The following NYAP2 variants were observed in gnomAD, a reference collection of about 807,000 sequenced individuals.
NYAP2 encodes the protein neuronal tyrosine-phosphorylated phosphoinositide-3-kinase adapter 2.
A neutral mutation model predicts 50.4 loss-of-function variants in NYAP2; 23 were observed. The ratio of observed to expected loss-of-function variants is 0.46; its 90% confidence interval spans 0.33 to 0.65. NYAP2 has a LOEUF of 0.65. Among genes scored for constraint, NYAP2 ranks in the 30% least tolerant of loss-of-function variants. The pLI is 0.02. For missense variants in NYAP2, 885 were observed against 861.0 expected (o/e 1.03, Z -0.35); for synonymous variants, 394 against 365.2 (o/e 1.08, Z -0.90).
At chr2:225,475,663 CA>C (rs1263683857) in intron 3 of NYAP2, among the ~76,000 whole-genome samples, 1 of 152,098 alleles carries the variant, frequency 6.6e-6, no homozygotes, top group African/African-American at 2.4e-5. Flanking sequence ...TAAATCTTTT[CA>C]GAAATCAGAT....
intron 5 of NYAP2, among the ~76,000 whole-genome samples, chr2:225,586,079 TGGA>T (rs1467518441): frequency 3.9e-5 from 6 of 152,342 alleles, no homozygotes; most frequent in African/African-American, 1.4e-4. Context: ...GTTGGTTTAG[TGGA>T]GAAGTCAATT....
chr2:225,583,905 G>T (rs1456936385), intron 5 of NYAP2, among the ~76,000 whole-genome samples: 1 of 152,152 alleles, frequency 6.6e-6, no homozygotes, highest in Non-Finnish European at 1.5e-5. Context: ...AGCCGGGTGT[G>T]GTGGCGGGCA....
chr2:225,641,810 C>T (rs1248919619), intron 6 of NYAP2, among the ~76,000 whole-genome samples: 1 of 151,412 alleles, frequency 6.6e-6, no homozygotes, highest in Admixed American at 6.6e-5. Context: ...CAGAGTGAGA[C>T]TCCATCTCAA....
intron 5 of NYAP2, among the ~76,000 whole-genome samples, chr2:225,613,965 C>A (rs1692942480): frequency 6.6e-6 from 1 of 152,078 alleles, no homozygotes; most frequent in Admixed American, 6.5e-5. Context: ...ATTGTTGAAG[C>A]CTCATGAACT....
chr2:225,443,174 C>G (rs1209306038), intron 3 of NYAP2, among the ~76,000 whole-genome samples: 2 of 152,160 alleles, frequency 1.3e-5, no homozygotes, highest in African/African-American at 2.4e-5. Context: ...CACAGCCAAA[C>G]CATATCACAC....
the NYAP2 span, among the ~76,000 whole-genome samples, chr2:225,697,219 T>TA: frequency 6.6e-6 from 1 of 151,980 alleles, no homozygotes; most frequent in African/African-American, 2.4e-5. Context: ...AAGCAGTGGT[T>TA]ACTTGTCCAG....
At chr2:225,514,499 G>T (rs1202753412) in intron 4 of NYAP2, among the ~76,000 whole-genome samples, 3 of 152,110 alleles carry the variant, frequency 2.0e-5, no homozygotes, top group African/African-American at 7.2e-5. Flanking sequence ...CTCTGTTGGG[G>T]CCCACTTCCT....
At chr2:225,509,188 C>T (rs755865670) in intron 3 of NYAP2, among the ~76,000 whole-genome samples, 8 of 152,144 alleles carry the variant, frequency 5.3e-5, no homozygotes, top group South Asian at 4.1e-4. Context: ...ATCTCTCATT[C>T]GTGAGAAGTT....
intron 6 of NYAP2, among the ~76,000 whole-genome samples, chr2:225,648,109 T>A (rs2106270498): frequency 6.6e-6 from 1 of 152,294 alleles, no homozygotes; most frequent in African/African-American, 2.4e-5. Context: ...CAAGTGATTC[T>A]CTTGCCTCGG....
chr2:225,602,261 A>G (rs1275446430), intron 5 of NYAP2, among the ~76,000 whole-genome samples: 4 of 152,222 alleles, frequency 2.6e-5, no homozygotes, highest in African/African-American at 4.8e-5. Flanking sequence ...GATTTACCCT[A>G]TGTAAATGAA....
At chr2:225,439,554 A>G (rs1221716189) in intron 3 of NYAP2, among the ~76,000 whole-genome samples, 1 of 152,174 alleles carries the variant, frequency 6.6e-6, no homozygotes, top group Non-Finnish European at 1.5e-5. Context: ...AAATTAGGAC[A>G]CCAAGGCAAT....
chr2:225,670,059 C>A, the NYAP2 span, among the ~76,000 whole-genome samples: 1 of 152,198 alleles, frequency 6.6e-6, no homozygotes, highest in African/African-American at 2.4e-5. Flanking sequence ...CTGCTCCAAA[C>A]AGAAGTGGTA....
intron 4 of NYAP2, among the ~76,000 whole-genome samples, chr2:225,553,655 C>G (rs1241334755): frequency 6.6e-6 from 1 of 152,194 alleles, no homozygotes; most frequent in Non-Finnish European, 1.5e-5. Context: ...AACATAACCA[C>G]TGTTTTAAAG....
intron 3 of NYAP2, among the ~76,000 whole-genome samples, chr2:225,443,675 T>G (rs1689507587): frequency 6.6e-6 from 1 of 152,208 alleles, no homozygotes; most frequent in African/African-American, 2.4e-5. Context: ...AGCAAGAAAC[T>G]ACCTGTAAAC....
intron 5 of NYAP2, among the ~76,000 whole-genome samples, 163 bp from the exon 6 acceptor site, chr2:225,626,754 C>T (rs2106257748): frequency 6.6e-6 from 1 of 152,268 alleles, no homozygotes; most frequent in Non-Finnish European, 1.5e-5. Context: ...AAAAAAGGCC[C>T]CCTGGAGTCT....
chr2:225,608,141 C>T (rs973086047), intron 5 of NYAP2, among the ~76,000 whole-genome samples: 1 of 152,062 alleles, frequency 6.6e-6, no homozygotes, highest in African/African-American at 2.4e-5. Flanking sequence ...TGGTAGATAG[C>T]CACAAATTCT....
intron 3 of NYAP2, among the ~76,000 whole-genome samples, chr2:225,483,271 T>C (rs1404349573): frequency 2.6e-5 from 4 of 152,178 alleles, no homozygotes; most frequent in Admixed American, 6.5e-5. Context: ...AGGTTCATGA[T>C]ATAGAATGTG....
chr2:225,572,179 T>C (rs1692084928), intron 4 of NYAP2, among the ~76,000 whole-genome samples: 1 of 152,218 alleles, frequency 6.6e-6, no homozygotes, highest in South Asian at 2.1e-4. Flanking sequence ...ACGTTTTCCT[T>C]TCTTCTTCCA....
intron 3 of NYAP2, among the ~76,000 whole-genome samples, chr2:225,414,648 T>G (rs1157986007): frequency 6.6e-6 from 1 of 151,982 alleles, no homozygotes; most frequent in Non-Finnish European, 1.5e-5. Flanking sequence ...AAACATCCCT[T>G]AAGGCGGTAC....
Sources: gnomAD v4.1 joint callset for allele counts (sites outside exome capture counted in the v4.1 genomes callset) on GRCh38, gnomAD v4.1.1 for gene constraint, MANE v1.5 for transcripts, NCBI Gene and HGNC (gene_info 2026-07-23, HGNC 2026-07-21) for gene names.